Variants in GAPVD1 observed in about 807,000 individuals in gnomAD.
GAPVD1 encodes GTPase activating protein and VPS9 domains 1, also known as GTPase-activating protein and VPS9 domain-containing protein 1.
Under a neutral mutation model 155.5 loss-of-function variants are expected in GAPVD1, and 35 were observed. The ratio of observed to expected loss-of-function variants is 0.23; its 90% CI spans 0.17 to 0.30. The LOEUF (loss-of-function observed/expected upper bound fraction) is 0.30. Among genes scored for constraint, GAPVD1 ranks in the 10% least tolerant of loss-of-function variants. The pLI is 1.00. For synonymous variants in GAPVD1, 636 were observed against 619.7 expected (o/e 1.03, Z -0.39); for missense variants, 1,429 against 1,775.7 (o/e 0.80, Z 3.51).
chr9:125,314,261 A>G (rs1285969991), intron 9 of GAPVD1, among the ~76,000 whole-genome samples: 2 of 152,312 alleles, frequency 1.3e-5, no homozygotes, highest in South Asian at 4.1e-4. Context: ...AAAATGGAAG[A>G]AATAATGGAA....
rs182408267 is a variant in GAPVD1, at chr9:125,271,112, G to A, written c.-150+2128G>A. On this transcript the variant is annotated intron_variant, in intron 2 of 27. Transcript: ENST00000297933. ...TTTAATTCTAATACTCTTTGTGTGT[G>A]TGTGTGGCCAAAATTATGTTTTTGT... is the stretch of plus-strand genomic sequence containing the variant. 9.3e-4 allele frequency among the ~76,000 whole-genome samples: 142 copies of A among 152,210 alleles called. 1 individual carries two copies. Among genetic ancestry groups the A allele is most frequent in the Admixed American group, 9.1e-3 (139 of 15,276 alleles).
At chr9:125,332,109 CT>C in intron 14 of GAPVD1, 49 bp downstream of exon 14, 1 of 1,518,948 alleles carries the variant, frequency 6.6e-7, no homozygotes, top group Non-Finnish European at 9.1e-7. Flanking sequence ...TGTTCACCCC[CT>C]ACCCCCTCCT....
chr9:125,272,833 T>G lies in GAPVD1; in HGVS notation c.-150+3849T>G, dbSNP rs554114090. Among the ~76,000 whole-genome samples, 5 of 152,314 alleles carry G rather than the reference T, an allele frequency of 3.3e-5. No individual in the cohort carries two copies. The East Asian group carries it at 9.6e-4, about 29-fold the overall frequency. On this transcript the variant is annotated intron_variant, in intron 2 of 27. Transcript: ENST00000297933. ...TGTACATGACAGCCCTCTGTTTACATTCTTTAATTTTGAGGGTGGACTCTT... is the reference window on the plus strand; with the variant it reads ...TGTACATGACAGCCCTCTGTTTACAGTCTTTAATTTTGAGGGTGGACTCTT...
At chr9:125,360,765 A>G in intron 27 of GAPVD1, 40 bp downstream of exon 27, 1 of 1,501,790 alleles carries the variant, frequency 6.7e-7, no homozygotes. Context: ...GTTATGTGGC[A>G]TTCTGAGCAG....
Position 125,336,300 on chromosome 9 carries a change from A to C in GAPVD1, c.2429-718A>C, listed in dbSNP as rs987345481. ...GATATAGCTTGAGACCAAAAAAAAA[A>C]AAAAACAAAAAACAAAAAATAGCTT... On this transcript the variant is annotated intron_variant, in intron 15 of 27. Coordinates refer to ENST00000297933, the MANE Select transcript of GAPVD1 (RefSeq NM_001282680.3). Among the ~76,000 whole-genome samples, 5 of 151,168 alleles carry C rather than the reference A, an allele frequency of 3.3e-5. No individual in the cohort carries two copies. In the East Asian group the frequency reaches 6.0e-4, roughly 18 times the overall value.
chr9:125,291,012 AG>A (rs1192454278), intron 2 of GAPVD1, among the ~76,000 whole-genome samples: 3 of 149,642 alleles, frequency 2.0e-5, no homozygotes, highest in African/African-American at 7.4e-5. Context: ...AAAAAAAAAA[AG>A]ACTGGGCATA....
At chr9:125,321,095 C>A (rs1426705819) in intron 9 of GAPVD1, among the ~76,000 whole-genome samples, 1 of 152,074 alleles carries the variant, frequency 6.6e-6, no homozygotes, top group Non-Finnish European at 1.5e-5. Context: ...ACTTGCCTAT[C>A]CAAGGTTACA....
At chr9:125,326,939 G>A (rs1845278829) in intron 12 of GAPVD1, among the ~76,000 whole-genome samples, 1 of 151,928 alleles carries the variant, frequency 6.6e-6, no homozygotes, top group Non-Finnish European at 1.5e-5. Context: ...TATATTCTCT[G>A]TTTGAAGCCA....
intron 8 of GAPVD1, chr9:125,308,400 AT>A (rs1842181782): frequency 6.6e-6 from 1 of 152,368 alleles, no homozygotes; most frequent in African/African-American, 2.4e-5. Flanking sequence ...TCTAAATAAT[AT>A]AATAAACAAT....
At chr9:125,315,247 GA>G (rs1843252844) in intron 9 of GAPVD1, among the ~76,000 whole-genome samples, 1 of 152,108 alleles carries the variant, frequency 6.6e-6, no homozygotes, top group South Asian at 2.1e-4. Context: ...AACAATCTTC[GA>G]AACTCCATCC....
At chr9:125,276,245 T>A (rs1835762539) in intron 2 of GAPVD1, among the ~76,000 whole-genome samples, 1 of 152,198 alleles carries the variant, frequency 6.6e-6, no homozygotes, top group Non-Finnish European at 1.5e-5. Flanking sequence ...CTACAATGTT[T>A]CACTCTTGCT....
intron 8 of GAPVD1, among the ~76,000 whole-genome samples, chr9:125,310,989 G>A (rs1015004132): frequency 6.6e-6 from 1 of 151,288 alleles, no homozygotes; most frequent in Admixed American, 6.6e-5. Context: ...ACAGGTGCCT[G>A]CCACCATGCC....
At chr9:125,300,688 A>G (rs917391149) in intron 4 of GAPVD1, among the ~76,000 whole-genome samples, 2 of 152,082 alleles carry the variant, frequency 1.3e-5, no homozygotes, top group Non-Finnish European at 2.9e-5. Flanking sequence ...TTGGGTTTTT[A>G]AAATGTTCCA....
Position 125,332,035 on chromosome 9 carries a change from C to A in GAPVD1, c.2283C>A (p.Ser761Arg). The A allele has an allele frequency of 1.2e-6, 2 of 1,614,084 alleles. No individual in the cohort carries two copies. The highest frequency in any genetic ancestry group is 8.5e-7 in the Non-Finnish European group (1 of 1,179,952). ...TDVREVSSRP[S>R]TPGLSVVSGI... ...TCAGGGAGGTCAGTTCCCGCCCCAGCACACCAGGCCTCAGTGTTGTGTCCG... is the reference window on the plus strand; with the variant it reads ...TCAGGGAGGTCAGTTCCCGCCCCAGAACACCAGGCCTCAGTGTTGTGTCCG... Residue 761 changes from serine (S) to arginine (R), a missense_variant, in exon 14 of 28, where the codon AGC (serine) becomes AGA (arginine). Physicochemically the swap from Ser to Arg is moderately radical, Grantham distance 110. Transcript: ENST00000297933.
chr9:125,355,342 G>GA (rs1849917119), intron 24 of GAPVD1, among the ~76,000 whole-genome samples: 1 of 152,178 alleles, frequency 6.6e-6, no homozygotes, highest in Admixed American at 6.5e-5. Flanking sequence ...CTGACCTCGT[G>GA]ATCCGCCCAC....
intron 13 of GAPVD1, among the ~76,000 whole-genome samples, chr9:125,331,076 G>T (rs181881961): frequency 1.4e-4 from 21 of 152,026 alleles, no homozygotes; most frequent in Admixed American, 1.2e-3. Context: ...TGATTATGAA[G>T]ACGCATCTTT....
rs746351598 is a variant in GAPVD1 at position 125,307,482 on chromosome 9, G to A, written c.1186G>A (p.Val396Ile). ...RAVETPPLSS[V>I]NLLEGLSRTV... ...AGTGGAGACCCCTCCATTGTCTTCCGTCAATCTTCTGGAAGGATTGAGCAG... is the reference window on the plus strand; with the variant it reads ...AGTGGAGACCCCTCCATTGTCTTCCATCAATCTTCTGGAAGGATTGAGCAG... Residue 396 changes from valine to isoleucine, a missense_variant, in exon 7 of 28, where the codon GTC (valine) becomes ATC (isoleucine). Transcript: ENST00000297933. 3.1e-6 allele frequency: 5 copies of A among 1,609,140 alleles called. No individual in the cohort carries two copies. The South Asian group carries it at 3.3e-5, about 11-fold the overall frequency.
intron 2 of GAPVD1, chr9:125,287,646 G>C (rs1398256590): frequency 2.0e-5 from 3 of 152,216 alleles, no homozygotes; most frequent in Non-Finnish European, 4.4e-5. Context: ...AAGGAGTTTG[G>C]AAATTATCTC....
chr9:125,354,630 C>T, intron 23 of GAPVD1, 24 bp from the exon 24 acceptor site: 5 of 1,525,052 alleles, frequency 3.3e-6, no homozygotes, highest in Non-Finnish European at 4.5e-6. Context: ...TATCTGATGT[C>T]ATGCAAAGTA....
Sources: allele counts gnomAD v4.1 joint callset (sites outside exome capture counted in the v4.1 genomes callset), GRCh38; gene constraint gnomAD v4.1.1; transcripts MANE v1.5; gene names NCBI Gene and HGNC (gene_info 2026-07-23, HGNC 2026-07-21).